The following FAAH2 variants were observed in gnomAD, a reference collection of about 807,000 sequenced individuals.
FAAH2 encodes fatty acid amide hydrolase 2.
A neutral mutation model predicts 36.9 loss-of-function variants in FAAH2; 60 were observed. The ratio of observed to expected loss-of-function variants is 1.63; its 90% CI spans 1.32 to 2.02. FAAH2 has a LOEUF of 2.02. Ranked by LOEUF, FAAH2 falls within the 30% of genes most tolerant of loss-of-function variation. The pLI is 0.00. For missense variants in FAAH2, 689 were observed against 397.5 expected (o/e 1.73, Z -6.23); for synonymous variants, 214 against 143.8 (o/e 1.49, Z -3.49).
the FAAH2 span, among the ~76,000 whole-genome samples, chrX:57,216,581 T>C: frequency 0.31 from 3,404 of 10,900 alleles, 711 homozygotes; most frequent in African/African-American, 0.51. Flanking sequence ...TGTATATATA[T>C]GTATATGTAT....
chrX:57,327,754 A>G (rs775415778), intron 3 of FAAH2, among the ~76,000 whole-genome samples: 1 of 110,850 alleles, frequency 9.0e-6, no homozygotes, highest in East Asian at 2.8e-4. Flanking sequence ...TCCTTTTTCA[A>G]GTTTTTTTAA....
chrX:57,233,694 C>A, the FAAH2 span, among the ~76,000 whole-genome samples: 1 of 112,486 alleles, frequency 8.9e-6, no homozygotes, highest in African/African-American at 3.2e-5. Flanking sequence ...GGCTGGAGTG[C>A]AGTGGCACAA....
intron 10 of FAAH2, among the ~76,000 whole-genome samples, chrX:57,478,049 A>C (rs1176317960): frequency 2.7e-5 from 3 of 112,060 alleles, no homozygotes; most frequent in East Asian, 2.8e-4. Flanking sequence ...TTCTAGATCC[A>C]TGAGGAATCA....
chrX:57,456,290 G>A (rs192017687), intron 10 of FAAH2, among the ~76,000 whole-genome samples: 1 of 112,185 alleles, frequency 8.9e-6, no homozygotes, highest in Admixed American at 9.5e-5. Context: ...TTGAGATGCA[G>A]TTAAAGCAGT....
chrX:57,233,217 G>A, the FAAH2 span, among the ~76,000 whole-genome samples: 1 of 111,522 alleles, frequency 9.0e-6, no homozygotes, highest in Non-Finnish European at 1.9e-5. Context: ...TGGTGGTCAC[G>A]TGATAGATAG....
chrX:57,148,553 G>C, the FAAH2 span, among the ~76,000 whole-genome samples: 1 of 110,629 alleles, frequency 9.0e-6, no homozygotes, highest in East Asian at 2.8e-4. Context: ...TCATGATTTG[G>C]CTCTGTTTGT....
At chrX:57,129,868 T>C in the FAAH2 span, among the ~76,000 whole-genome samples, 1 of 112,121 alleles carries the variant, frequency 8.9e-6, no homozygotes, top group African/African-American at 3.2e-5. Flanking sequence ...TCTTGACATA[T>C]GACTTCAAGA....
chrX:57,359,240 C>A (rs892947731), intron 5 of FAAH2, among the ~76,000 whole-genome samples: 3 of 111,199 alleles, frequency 2.7e-5, no homozygotes, highest in African/African-American at 9.8e-5. Context: ...CCTAAGAGAT[C>A]TTCCTTCTTC....
intron 10 of FAAH2, among the ~76,000 whole-genome samples, chrX:57,477,465 T>C (rs1447825051): frequency 9.0e-6 from 1 of 111,155 alleles, no homozygotes; most frequent in Non-Finnish European, 1.9e-5. Context: ...CTTTCTTTTG[T>C]TTATTGCTAT....
At chrX:57,360,727 G>T (rs2054267302) in intron 5 of FAAH2, among the ~76,000 whole-genome samples, 1 of 110,733 alleles carries the variant, frequency 9.0e-6, no homozygotes, top group African/African-American at 3.3e-5. Context: ...TGTTACATAG[G>T]TATAGGTGTG....
the FAAH2 span, among the ~76,000 whole-genome samples, chrX:57,185,890 A>G: frequency 9.0e-6 from 1 of 111,522 alleles, no homozygotes; most frequent in Non-Finnish European, 1.9e-5. Context: ...CATAAAGGAC[A>G]TGAACTCATT....
chrX:57,263,708 T>C, the FAAH2 span, among the ~76,000 whole-genome samples: 4 of 112,017 alleles, frequency 3.6e-5, no homozygotes, highest in Middle Eastern at 9.5e-3. Flanking sequence ...TTTATGTATA[T>C]ACAATTGTAT....
At position 57,323,764 on chromosome X, in the gene FAAH2, CA is replaced by C. The variant is rs1362029702; in HGVS notation, c.413-7829del. Among the ~76,000 whole-genome samples the C allele has an allele frequency of 3.0e-5, 3 of 98,648 alleles. No homozygotes were observed. In the East Asian group the frequency reaches 1.0e-3, roughly 34 times the overall value. 85.7% of individuals were successfully genotyped at this position (98,648 alleles called of 115,157 possible). Reference sequence around the variant, plus strand: ...AGCCCTTTGTCAGATGTGCAGATTGCAAAAATTTTCTCCCATTTTGTAGGTT... The same window carrying C: ...AGCCCTTTGTCAGATGTGCAGATTGCAAAATTTTCTCCCATTTTGTAGGTT... On this transcript the variant is annotated intron_variant, in intron 3 of 10. Coordinates refer to ENST00000374900, the MANE Select transcript of FAAH2 (RefSeq NM_174912.4).
intron 2 of FAAH2, among the ~76,000 whole-genome samples, chrX:57,299,516 A>G (rs1403454109): frequency 9.0e-6 from 1 of 111,540 alleles, no homozygotes; most frequent in Non-Finnish European, 1.9e-5. Context: ...ATGGACAAAA[A>G]CTGGAAGCAT....
At chrX:57,159,802 C>T in the FAAH2 span, among the ~76,000 whole-genome samples, 37 of 111,620 alleles carry the variant, frequency 3.3e-4, no homozygotes, top group Non-Finnish European at 6.6e-4. Flanking sequence ...AATTTGACTT[C>T]CTCTTTTCCT....
At chrX:57,353,764 C>A (rs2054090779) in intron 5 of FAAH2, among the ~76,000 whole-genome samples, 1 of 107,027 alleles carries the variant, frequency 9.3e-6, no homozygotes, top group South Asian at 4.1e-4. Flanking sequence ...AATGATAAAA[C>A]ATTTCATTCA....
intron 3 of FAAH2, among the ~76,000 whole-genome samples, chrX:57,316,730 A>G (rs1166619225): frequency 1.8e-5 from 2 of 111,514 alleles, no homozygotes; most frequent in Non-Finnish European, 3.8e-5. Flanking sequence ...AACTCAAAAT[A>G]GATAAATATT....
the FAAH2 span, among the ~76,000 whole-genome samples, chrX:57,144,923 T>TGC: frequency 9.5e-6 from 1 of 105,417 alleles, no homozygotes; most frequent in Non-Finnish European, 2.0e-5. Flanking sequence ...TGTGTGTGCA[T>TGC]ACACACACAC....
At chrX:57,434,483 C>G (rs2056369640) in intron 8 of FAAH2, among the ~76,000 whole-genome samples, 1 of 109,150 alleles carries the variant, frequency 9.2e-6, no homozygotes, top group Non-Finnish European at 1.9e-5. Flanking sequence ...GTAATAGTAA[C>G]AGAAATTTTG....
Sources: gnomAD v4.1 joint callset for allele counts (sites outside exome capture counted in the v4.1 genomes callset) on GRCh38, gnomAD v4.1.1 for gene constraint, MANE v1.5 for transcripts, NCBI Gene and HGNC (gene_info 2026-07-23, HGNC 2026-07-21) for gene names.